ARFGAP2: variants seen among roughly 807,000 people sequenced by gnomAD.
The protein encoded by ARFGAP2 is ARF GTPase activating protein 2.
Under a neutral mutation model 71.9 loss-of-function variants are expected in ARFGAP2, and 45 were observed. That is an observed-to-expected ratio of 0.63 (90% CI 0.49 to 0.80). The LOEUF is 0.80. Among genes scored for constraint, ARFGAP2 ranks in the 30% least tolerant of loss-of-function variants. ARFGAP2 has a pLI of 0.00. For missense variants in ARFGAP2, 633 were observed against 673.9 expected, an observed-to-expected ratio of 0.94 and a Z score of 0.67; for synonymous variants, 248 against 249.2, an observed-to-expected ratio of 1.00 and a Z score of 0.05.
rs934616480 is a variant in ARFGAP2 at position 47,165,144 on chromosome 11, A to G, written c.*338T>C. Reference sequence around the variant, plus strand: ...CCTTCCGCTTTCCCTACCTGGGGAAAGTCTGGACCCAGAATAAGCCATCGT... The same window carrying G: ...CCTTCCGCTTTCCCTACCTGGGGAAGGTCTGGACCCAGAATAAGCCATCGT... On this transcript the variant is annotated 3_prime_UTR_variant, in exon 16 of 16. Coordinates refer to ENST00000524782, the MANE Select transcript of ARFGAP2 (RefSeq NM_032389.6). The G allele has an allele frequency of 3.0e-6, 1 of 332,020 alleles. No homozygotes were observed. The highest frequency in any genetic ancestry group is 5.5e-6 in the Non-Finnish European group (1 of 182,986). 20.6% of individuals were successfully genotyped at this position (332,020 alleles called of 1,614,324 possible).
chr11:47,165,516 G>GGGA lies in ARFGAP2; in HGVS notation c.1546-17_1546-15dup. The GGGA allele has an allele frequency of 1.3e-6, 2 of 1,536,232 alleles. No homozygotes were observed. The highest frequency in any genetic ancestry group is 8.7e-7 in the Non-Finnish European group (1 of 1,143,264). ...ACCGTAGCGATCCTGGGGGCGAGGG[G>GGGA]GGAGAAAAAAAAAAAAAAAGTCAGA... On this transcript the variant is annotated splice_polypyrimidine_tract_variant and intron_variant, in intron 15 of 15. Coordinates refer to ENST00000524782, the MANE Select transcript of ARFGAP2 (RefSeq NM_032389.6).
Position 47,176,761 on chromosome 11 carries a change from GCGCGCCC to G in ARFGAP2, c.72+14_72+20del. The G allele has an allele frequency of 6.2e-7, 1 of 1,613,908 alleles. No individual in the cohort carries two copies. Among genetic ancestry groups the G allele is most frequent in the Non-Finnish European group, 8.5e-7 (1 of 1,179,864 alleles). On this transcript the variant is annotated intron_variant, in intron 1 of 15. Coordinates refer to ENST00000524782, the MANE Select transcript of ARFGAP2 (RefSeq NM_032389.6). ...AGGCCCCAGCGGGACGAGAGACTCC[GCGCGCCC>G]CCTGCTCACGCACCTTGTTGGTTGG...
chr11:47,175,872 C>G lies in ARFGAP2; in HGVS notation c.243G>C (p.Gln81His), dbSNP rs1443403064. 3 of 1,614,062 alleles carry G rather than the reference C, an allele frequency of 1.9e-6. No homozygotes were observed. Among genetic ancestry groups the G allele is most frequent in the Non-Finnish European group, 2.5e-6 (3 of 1,180,040 alleles). Residue 81 changes from glutamine to histidine, a missense_variant, in exon 3 of 16, where the codon CAG becomes CAC. By Grantham distance (24) the Gln-to-His change is conservative. Coordinates refer to ENST00000524782, the MANE Select transcript of ARFGAP2 (RefSeq NM_032389.6). ...TTACCGCATTGGCATTCCCGCCGAC[C>G]TGCATACACCTCAGCTGGAACCAGT... The part of the protein sequence containing the change: ...NWNWFQLRCM[Q>H]VGGNANATAF...
At chr11:47,171,256 A>G (rs1435025092) in intron 10 of ARFGAP2, among the ~76,000 whole-genome samples, 170 bp downstream of exon 10, 1 of 152,230 alleles carries the variant, frequency 6.6e-6, no homozygotes, top group Non-Finnish European at 1.5e-5. Flanking sequence ...TACTGAGCAC[A>G]TACCTACTAT....
At position 47,176,454 on chromosome 11, in the gene ARFGAP2, C is replaced by T. The variant is rs1325979136; in HGVS notation, c.191+62G>A. On this transcript the variant is annotated intron_variant, in intron 2 of 15. Transcript: ENST00000524782. The stretch of plus-strand genomic sequence containing the variant: ...GCCCAAGTCGAGGCAGCCACTCTCC[C>T]TTGTTGCCCAGACACCCCTGGCCGG... 4 of 1,506,306 alleles carry T rather than the reference C, an allele frequency of 2.7e-6. No homozygotes were observed. The Admixed American group carries it at 6.7e-5, about 25-fold the overall frequency. 93.3% of individuals were successfully genotyped at this position (1,506,306 alleles called of 1,614,324 possible).
At chr11:47,174,896 G>A (rs1952738175) in intron 5 of ARFGAP2, 119 bp downstream of exon 5, 1 of 1,047,100 alleles carries the variant, frequency 9.6e-7, no homozygotes, top group South Asian at 1.4e-5. Flanking sequence ...CTTCATACGT[G>A]GTGTCCAAGA....
Position 47,166,494 on chromosome 11 carries a change from C to T in ARFGAP2, c.1426+12G>A. Reference sequence around the variant, plus strand: ...GCCTCACTTGGTGCCTGCCACCCCACCAGGGCCCTACCTGCTCCGTGAGCT... The same window carrying T: ...GCCTCACTTGGTGCCTGCCACCCCATCAGGGCCCTACCTGCTCCGTGAGCT... On this transcript the variant is annotated intron_variant, in intron 14 of 15. Transcript: ENST00000524782. 1.2e-6 allele frequency: 2 copies of T among 1,612,974 alleles called. No individual in the cohort carries two copies. Among genetic ancestry groups the T allele is most frequent in the Non-Finnish European group, 1.7e-6 (2 of 1,179,800 alleles).
intron 5 of ARFGAP2, chr11:47,174,695 C>T: frequency 3.3e-6 from 1 of 300,310 alleles, no homozygotes; most frequent in Admixed American, 4.8e-5. Context: ...GCGCCCGGCC[C>T]ACAGTGCCTT....
At chr11:47,173,890 C>T (rs1409073878) in intron 5 of ARFGAP2, 50 bp from the exon 6 acceptor site, 8 of 1,554,760 alleles carry the variant, frequency 5.1e-6, no homozygotes, top group Admixed American at 1.9e-5. Context: ...CTCCTGCTGG[C>T]AAGAAGCACC....
At chr11:47,170,394 C>T (rs1952553212) in intron 10 of ARFGAP2, among the ~76,000 whole-genome samples, 1 of 151,302 alleles carries the variant, frequency 6.6e-6, no homozygotes, top group Non-Finnish European at 1.5e-5. Context: ...GCCTGTAATC[C>T]CAGCACTTTG....
intron 8 of ARFGAP2, 22 bp from the exon 9 acceptor site, chr11:47,171,822 G>A: frequency 6.2e-7 from 1 of 1,611,648 alleles, no homozygotes; most frequent in Non-Finnish European, 8.5e-7. Context: ...ATCATGTAAG[G>A]GGCCTTCCCA....
rs762861143 is a variant in ARFGAP2, at chr11:47,176,501, G to A, written c.191+15C>T. The A allele has an allele frequency of 3.1e-6, 5 of 1,610,936 alleles. No individual in the cohort carries two copies. The highest frequency in any genetic ancestry group is 1.1e-5 in the South Asian group (1 of 90,998). On this transcript the variant is annotated intron_variant, in intron 2 of 15. Transcript: ENST00000524782. ...CCGGCCGGGTGGAAACACGGCAACC[G>A]CGCGGAGAGCCTACCTGATGAAGCT...
chr11:47,173,865 T>C (rs1952689267), intron 5 of ARFGAP2, 25 bp from the exon 6 acceptor site: 3 of 1,577,784 alleles, frequency 1.9e-6, no homozygotes, highest in Non-Finnish European at 2.6e-6. Context: ...AGATCACAGA[T>C]GCCTCGGTGA....
intron 15 of ARFGAP2, 100 bp downstream of exon 15, chr11:47,166,168 G>A: frequency 8.0e-7 from 1 of 1,246,592 alleles, no homozygotes; most frequent in Non-Finnish European, 1.2e-6. Flanking sequence ...GGCCGAAAAT[G>A]CTCTTAAGGC....
Position 47,173,529 on chromosome 11 carries a change from C to T in ARFGAP2, c.563-47G>A, listed in dbSNP as rs185160754. On this transcript the variant is annotated intron_variant, in intron 6 of 15. Coordinates refer to ENST00000524782, the MANE Select transcript of ARFGAP2 (RefSeq NM_032389.6). Reference sequence around the variant, plus strand: ...TTAGAGATGAGCTCCTAGCTTCCTGCAACCTCCCCTTGAAAGAAGTGATGG... The same window carrying T: ...TTAGAGATGAGCTCCTAGCTTCCTGTAACCTCCCCTTGAAAGAAGTGATGG... 2.9e-4 allele frequency: 439 copies of T among 1,519,096 alleles called. 1 individual carries two copies. In the African/African-American group the frequency reaches 5.4e-3, roughly 19 times the overall value. 94.1% of individuals were successfully genotyped at this position (1,519,096 alleles called of 1,614,324 possible). A position where few individuals can be genotyped will look rare whatever the true frequency, so the allele number is the denominator to read the frequency against.
Position 47,176,839 on chromosome 11 carries a change from C to G in ARFGAP2, c.15G>C (p.Pro5=), listed in dbSNP as rs754200631. Residue 5 remains proline, a synonymous_variant, in exon 1 of 16, where the codon CCG becomes CCC. Coordinates refer to ENST00000524782, the MANE Select transcript of ARFGAP2 (RefSeq NM_032389.6). The stretch of plus-strand genomic sequence containing the variant: ...AAAGAGTCTGGATTTCGGTCTTGTT[C>G]GGCTCCGCCGCCATTTTCTCTCCTT... MAAE[P]NKTEIQTLFK... is the part of the protein sequence containing the mutation. 2 of 1,613,554 alleles carry G rather than the reference C, an allele frequency of 1.2e-6. No individual in the cohort carries two copies.
intron 10 of ARFGAP2, among the ~76,000 whole-genome samples, chr11:47,170,400 C>T (rs919939840): frequency 6.6e-6 from 1 of 150,790 alleles, no homozygotes; most frequent in Non-Finnish European, 1.5e-5. Context: ...AATCCCAGCA[C>T]TTTGGGAGGC....
Position 47,165,393 on chromosome 11 carries a change from C to CAGCTTCCACA in ARFGAP2, c.*79_*88dup. ...CACATACGAAGTAACAAATCCTCCC[C>CAGCTTCCACA]AGCTTCCACAAGGCAAAGCATCCCC... is the stretch of plus-strand genomic sequence containing the variant. On this transcript the variant is annotated 3_prime_UTR_variant, in exon 16 of 16. Coordinates refer to ENST00000524782, the MANE Select transcript of ARFGAP2 (RefSeq NM_032389.6). 6.7e-7 allele frequency: 1 copy of CAGCTTCCACA among 1,493,546 alleles called. No homozygotes were observed. Among genetic ancestry groups the CAGCTTCCACA allele is most frequent in the Non-Finnish European group, 9.0e-7 (1 of 1,111,726 alleles). The allele number at this position is 1,493,546 out of a possible 1,614,324, so 92.5% of individuals were successfully genotyped here. A position where few individuals can be genotyped will look rare whatever the true frequency, so the allele number is the denominator to read the frequency against.
In ARFGAP2 at chr11:47,172,312, C is replaced by A; in HGVS notation, c.641G>T (p.Gly214Val). Residue 214 changes from glycine to valine, a missense_variant, in exon 8 of 16, where the codon GGC becomes GTC. Transcript: ENST00000524782. Reference sequence around the variant, plus strand: ...CTTAGCTGCTGCTGGCTTCTTCTTGCCAATGATGGAGCTTTTCAGTTCTGC... The same window carrying A: ...CTTAGCTGCTGCTGGCTTCTTCTTGACAATGATGGAGCTTTTCAGTTCTGC... Reference protein sequence around the residue: ...ASLELKSSIIGKKKPAAAKKG... With the variant: ...ASLELKSSIIVKKKPAAAKKG... 6.2e-7 allele frequency: 1 copy of A among 1,614,182 alleles called. No homozygotes were observed. Among genetic ancestry groups the A allele is most frequent in the Non-Finnish European group, 8.5e-7 (1 of 1,180,024 alleles).
Sources: gnomAD v4.1 joint callset for allele counts (sites outside exome capture counted in the v4.1 genomes callset) on GRCh38, gnomAD v4.1.1 for gene constraint, MANE v1.5 for transcripts, NCBI Gene and HGNC (gene_info 2026-07-23, HGNC 2026-07-21) for gene names.